Variants in SACS observed in about 807,000 individuals in gnomAD.
SACS encodes the protein sacsin molecular chaperone.
A neutral mutation model predicts 348.0 loss-of-function variants in SACS; 197 were observed. The ratio of observed to expected loss-of-function variants is 0.57; its 90% CI spans 0.50 to 0.64. SACS has a LOEUF of 0.64. Among genes scored for constraint, SACS ranks in the 30% least tolerant of loss-of-function variants. The pLI, the probability that SACS is intolerant of heterozygous loss-of-function variation, is 0.00. For synonymous variants in SACS, 1,985 were observed against 1,910.6 expected, an observed-to-expected ratio of 1.04 and a Z score of -1.02; for missense variants, 4,999 against 5,360.8, an observed-to-expected ratio of 0.93 and a Z score of 2.11.
At chr13:23,353,625 T>A in intron 9 of SACS, 160 bp downstream of exon 9, 1 of 590,224 alleles carries the variant, frequency 1.7e-6, no homozygotes, top group Non-Finnish European at 3.0e-6. Context: ...ATCTCTTAGA[T>A]GCCATTCTGG....
intron 2 of SACS, among the ~76,000 whole-genome samples, chr13:23,378,125 A>G (rs1871888978): frequency 6.6e-6 from 1 of 152,226 alleles, no homozygotes; most frequent in Non-Finnish European, 1.5e-5. Flanking sequence ...AGAGTGCTGT[A>G]CAAAATAGGA....
At position 23,329,357 on chromosome 13, in the gene SACS, A is replaced by G; in HGVS notation, c.*779T>C. 1 of 699,548 alleles carries G rather than the reference A, an allele frequency of 1.4e-6. No homozygotes were observed. The highest frequency in any genetic ancestry group is 2.6e-6 in the Non-Finnish European group (1 of 385,318). The allele number at this position is 699,548 out of a possible 1,614,324, so 43.3% of individuals were successfully genotyped here. ...GTGGAAAATATGTACACACAAACAT[A>G]AAGCAAGTGTTCTAACAGTTAATAA... On this transcript the variant is annotated 3_prime_UTR_variant, in exon 10 of 10. Transcript: ENST00000382292.
At chr13:23,379,508 A>G (rs1023724508) in intron 2 of SACS, among the ~76,000 whole-genome samples, 3 of 152,116 alleles carry the variant, frequency 2.0e-5, no homozygotes, top group Admixed American at 2.0e-4. Flanking sequence ...GTGCTGGAAA[A>G]TACAGGGAGC....
chr13:23,341,114 A>C lies in SACS; in HGVS notation c.2762T>G (p.Ile921Ser). Residue 921 changes from isoleucine to serine, a missense_variant, in exon 10 of 10, where the codon ATT (isoleucine) becomes AGT (serine). Ile to Ser is a moderately radical substitution (Grantham distance 142, BLOSUM62 -2). Around this residue, in one of 6 missense-constraint regions of SACS, gnomAD observed 3,156 missense variants for 3,380.1 expected, o/e 0.93. Coordinates refer to ENST00000382292, the MANE Select transcript of SACS (RefSeq NM_014363.6). Reference sequence around the variant, plus strand: ...GCGCTTGAATATTGCCAATTCTTGAATAATTCTTTTCTCTTTCTCACTGCT... The same window carrying C: ...GCGCTTGAATATTGCCAATTCTTGACTAATTCTTTTCTCTTTCTCACTGCT... ...TDSSEKEKRI[I>S]QELAIFKRIN... The C allele has an allele frequency of 6.2e-7, 1 of 1,613,650 alleles. No homozygotes were observed. Among genetic ancestry groups the C allele is most frequent in the Non-Finnish European group, 8.5e-7 (1 of 1,179,990 alleles).
At chr13:23,431,612 T>C (rs1214673847) in intron 1 of SACS, among the ~76,000 whole-genome samples, 1 of 152,176 alleles carries the variant, frequency 6.6e-6, no homozygotes, top group Non-Finnish European at 1.5e-5. Context: ...TCATGTAGGC[T>C]CATGGTGGGA....
chr13:23,372,052 G>A (rs1276201562), intron 3 of SACS, among the ~76,000 whole-genome samples: 3 of 152,158 alleles, frequency 2.0e-5, no homozygotes, highest in African/African-American at 7.2e-5. Flanking sequence ...TTTAATTGGT[G>A]TATAATAGTC....
intron 2 of SACS, among the ~76,000 whole-genome samples, chr13:23,382,783 G>GTTTTTTTTTTTTTTTTTTTT (rs758674945): frequency 7.2e-6 from 1 of 137,962 alleles, no homozygotes; most frequent in Non-Finnish European, 1.6e-5. Context: ...TGTGTGTGTG[G>GTTTTTTTTTTTTTTTTTTTT]TTTTTGTTTT....
At position 23,336,438 on chromosome 13, in the gene SACS, T is replaced by C. The variant is rs542105847; in HGVS notation, c.7438A>G (p.Thr2480Ala). 1.2e-6 allele frequency: 2 copies of C among 1,614,064 alleles called. No homozygotes were observed. The highest frequency in any genetic ancestry group is 3.3e-5 in the Admixed American group (2 of 60,018). Reference sequence around the variant, plus strand: ...ATGTCAGCATGACAATATTTTACAGTGGTATCCTTTACTTTTATCCAAGGG... The same window carrying C: ...ATGTCAGCATGACAATATTTTACAGCGGTATCCTTTACTTTTATCCAAGGG... Reference protein sequence around the residue: ...DCPWIKVKDTTVKYCHADIPR... With the variant: ...DCPWIKVKDTAVKYCHADIPR... Residue 2480 changes from threonine (T) to alanine (A), a missense_variant, in exon 10 of 10, where the codon ACT (threonine) becomes GCT (alanine). Physicochemically the swap from Thr to Ala is moderately conservative, Grantham distance 58 (BLOSUM62 0). Coordinates refer to ENST00000382292, the MANE Select transcript of SACS (RefSeq NM_014363.6).
intron 1 of SACS, among the ~76,000 whole-genome samples, chr13:23,412,944 C>A (rs111412530): frequency 3.9e-5 from 6 of 152,298 alleles, no homozygotes; most frequent in African/African-American, 1.2e-4. Flanking sequence ...ACAATCTGGG[C>A]TAACCCAAGG....
At chr13:23,362,581 CTTTTTTTTTTTT>C (rs34351648) in intron 6 of SACS, among the ~76,000 whole-genome samples, 5 of 111,856 alleles carry the variant, frequency 4.5e-5, no homozygotes, top group African/African-American at 6.4e-5. Flanking sequence ...TAATACATTC[CTTTTTTTTTTTT>C]TTTTTTTTTT....
chr13:23,393,817 G>A (rs1784285143), intron 2 of SACS, among the ~76,000 whole-genome samples: 2 of 152,034 alleles, frequency 1.3e-5, no homozygotes. Flanking sequence ...CTGGAGTGCA[G>A]TGGCACGATC....
intron 6 of SACS, among the ~76,000 whole-genome samples, chr13:23,361,976 G>A (rs1483475214): frequency 1.3e-5 from 2 of 152,150 alleles, no homozygotes; most frequent in Non-Finnish European, 2.9e-5. Context: ...CACATACACG[G>A]TGTTTACTAG....
chr13:23,409,627 G>A (rs938300409), intron 2 of SACS, among the ~76,000 whole-genome samples: 1 of 151,958 alleles, frequency 6.6e-6, no homozygotes, highest in Non-Finnish European at 1.5e-5. Context: ...ACCGCACCTG[G>A]CTGGTTTTAT....
intron 1 of SACS, among the ~76,000 whole-genome samples, chr13:23,417,470 C>T (rs940997788): frequency 6.6e-6 from 1 of 152,160 alleles, no homozygotes; most frequent in African/African-American, 2.4e-5. Flanking sequence ...GAGACAGACC[C>T]TTGCATTAAT....
rs542071638 is a variant in SACS, at chr13:23,421,002, C to T, written c.-501-9262G>A. ...AATGTCCACCAGAGTCCTGGGTATC[C>T]TCCTGGCACCTGGTGTCTGCCTGGG... On this transcript the variant is annotated intron_variant, in intron 1 of 9. Coordinates refer to ENST00000382292, the MANE Select transcript of SACS (RefSeq NM_014363.6). Among the ~76,000 whole-genome samples the T allele has an allele frequency of 2.6e-5, 4 of 152,198 alleles. No individual in the cohort carries two copies. In the South Asian group the frequency reaches 8.3e-4, roughly 32 times the overall value.
intron 4 of SACS, among the ~76,000 whole-genome samples, chr13:23,368,954 C>A (rs1389183962): frequency 6.6e-6 from 1 of 152,190 alleles, no homozygotes; most frequent in Non-Finnish European, 1.5e-5. Context: ...CCACCTTGGC[C>A]TCCCAAAGTG....
rs761511847 is a variant in SACS, at chr13:23,332,283, C to G, written c.11593G>C (p.Glu3865Gln). The G allele has an allele frequency of 3.1e-6, 5 of 1,613,848 alleles. No homozygotes were observed. The highest frequency in any genetic ancestry group is 1.3e-5 in the African/African-American group (1 of 74,906). The change falls in exon 10 of 10, where the codon GAG becomes CAG. Residue 3865 changes from glutamate to glutamine, a missense_variant. This residue lies in a region of SACS where 831 missense variants were observed against 941.8 expected (regional missense o/e 0.88). Coordinates refer to ENST00000382292, the MANE Select transcript of SACS (RefSeq NM_014363.6). ...TCATTAGGATCTAATTGTTTGCCCT[C>G]AGAATTTTTAAATATGCGGCTCAAC... ...EVLSRIFKNSEGKQLDPNEMR... is the reference protein window; with the variant it reads ...EVLSRIFKNSQGKQLDPNEMR...
intron 1 of SACS, among the ~76,000 whole-genome samples, chr13:23,416,238 C>T (rs1873684855): frequency 1.4e-5 from 2 of 146,174 alleles, no homozygotes; most frequent in South Asian, 2.2e-4. Flanking sequence ...GCCAAGATCA[C>T]GCCACTGCAC....
chr13:23,425,731 C>A (rs887926359), intron 1 of SACS, among the ~76,000 whole-genome samples: 1 of 152,146 alleles, frequency 6.6e-6, no homozygotes, highest in Admixed American at 6.5e-5. Context: ...CTGCTCTGCT[C>A]AGGGTGTGAA....
Sources: gnomAD v4.1 joint callset for allele counts (sites outside exome capture counted in the v4.1 genomes callset) on GRCh38, gnomAD v4.1.1 for gene constraint, gnomAD v4.1.1 regional missense constraint, MANE v1.5 for transcripts, NCBI Gene and HGNC (gene_info 2026-07-23, HGNC 2026-07-21) for gene names.